The following COL6A3 variants were observed in gnomAD, a reference collection of about 807,000 sequenced individuals.
The protein encoded by COL6A3 is collagen type VI alpha 3 chain.
In COL6A3, 137 loss-of-function variants were observed where a neutral mutation model predicts 274.1. That is an observed-to-expected ratio of 0.50 (90% CI 0.44 to 0.58). The LOEUF (loss-of-function observed/expected upper bound fraction) is 0.58, where lower values mean the gene tolerates loss of function less well. Ranked by LOEUF, COL6A3 falls within the 20% of genes least tolerant of loss-of-function variation. The pLI is 0.00. For synonymous variants in COL6A3, 1,650 were observed against 1,650.6 expected (o/e 1.00, Z 0.01); for missense variants, 3,950 against 4,124.9 (o/e 0.96, Z 1.16).
chr2:237,406,430 T>C (rs2078719882), intron 1 of COL6A3, among the ~76,000 whole-genome samples: 1 of 152,162 alleles, frequency 6.6e-6, no homozygotes, highest in Non-Finnish European at 1.5e-5. Flanking sequence ...TCCTATCAAG[T>C]TCTGGGACTT....
intron 4 of COL6A3, among the ~76,000 whole-genome samples, chr2:237,386,969 G>C (rs551360338): frequency 6.6e-6 from 1 of 151,930 alleles, no homozygotes; most frequent in Admixed American, 6.6e-5. Context: ...ATTTGAGCTT[G>C]TATCCTAATA....
chr2:237,334,600 C>T (rs778449077), intron 41 of COL6A3, 26 bp downstream of exon 41: 29 of 1,611,472 alleles, frequency 1.8e-5, no homozygotes, highest in Non-Finnish European at 2.3e-5. Context: ...AAATCAGGTA[C>T]CGACTTGTAC....
chr2:237,372,373 C>T (rs139236593), intron 8 of COL6A3, 36 bp from the exon 9 acceptor site: 78 of 1,600,564 alleles, frequency 4.9e-5, no homozygotes, highest in Admixed American at 8.3e-5. Flanking sequence ...TCACCTTCAT[C>T]GTCACCAAAT....
chr2:237,360,127 A>C lies in COL6A3; in HGVS notation c.6243T>G (p.Thr2081=). ...GERGPPGVNG[T]QGFQGCPGQR... Reference sequence around the variant, plus strand: ...GGCCCGGGCAGCCCTGGAAACCTTGAGTGCCGTTCACACCAGGCGGACCAC... The same window carrying C: ...GGCCCGGGCAGCCCTGGAAACCTTGCGTGCCGTTCACACCAGGCGGACCAC... Residue 2081 remains threonine (T), a synonymous_variant, in exon 17 of 44, where the codon ACT becomes ACG. Coordinates refer to ENST00000295550, the MANE Select transcript of COL6A3 (RefSeq NM_004369.4). 1 of 1,614,098 alleles carries C rather than the reference A, an allele frequency of 6.2e-7. No individual in the cohort carries two copies. Among genetic ancestry groups the C allele is most frequent in the Non-Finnish European group, 8.5e-7 (1 of 1,180,000 alleles).
At position 237,369,050 on chromosome 2, in the gene COL6A3, A is replaced by T. The variant is rs772068886; in HGVS notation, c.4413T>A (p.Ser1471Arg). ...RIVRRLNIGP[S>R]KVRVGVVQFS... ...ACTGCACGACCCCAACTCTCACTTT[A>T]CTGGGGCCGATGTTGAGTCTTCGAA... Residue 1471 changes from serine (S) to arginine (R), a missense_variant, in exon 10 of 44, where the codon AGT becomes AGA. Around this residue, in one of 5 missense-constraint regions of COL6A3, gnomAD observed 1,934 missense variants for 1,984.3 expected, o/e 0.97. Transcript: ENST00000295550. 6.2e-7 allele frequency: 1 copy of T among 1,614,142 alleles called. No homozygotes were observed. The highest frequency in any genetic ancestry group is 8.5e-7 in the Non-Finnish European group (1 of 1,180,024).
intron 14 of COL6A3, 102 bp downstream of exon 14, chr2:237,363,151 C>T (rs531437277): frequency 2.9e-5 from 34 of 1,188,004 alleles, no homozygotes; most frequent in Admixed American, 1.5e-4. Context: ...AGGCCCCCCC[C>T]CCACCTCCAT....
intron 4 of COL6A3, among the ~76,000 whole-genome samples, chr2:237,383,445 A>C (rs2078062329): frequency 6.6e-6 from 1 of 152,054 alleles, no homozygotes. Flanking sequence ...CTACCCCTTC[A>C]TTTTGATTTA....
chr2:237,391,135 A>C (rs1467123302), intron 3 of COL6A3, among the ~76,000 whole-genome samples: 1 of 152,234 alleles, frequency 6.6e-6, no homozygotes, highest in African/African-American at 2.4e-5. Flanking sequence ...AACTATAAGC[A>C]GAGATGTACT....
At chr2:237,334,287 C>T (rs1161205877) in intron 41 of COL6A3, among the ~76,000 whole-genome samples, 1 of 152,180 alleles carries the variant, frequency 6.6e-6, no homozygotes, top group Non-Finnish European at 1.5e-5. Context: ...GGGTGGTGGG[C>T]AACCAGGAGC....
Position 237,394,621 on chromosome 2 carries a change from C to G in COL6A3, c.675G>C (p.Arg225Ser), listed in dbSNP as rs1330724943. The G allele has an allele frequency of 6.2e-7, 1 of 1,614,042 alleles. No individual in the cohort carries two copies. The highest frequency in any genetic ancestry group is 1.3e-5 in the African/African-American group (1 of 74,930). ...SCVHSSVSPE[R>S]AGDTETLKDI... Reference sequence around the variant, plus strand: ...CTTTAAGGGTTTCCGTGTCCCCAGCCCTTTCTGGACTCACGGATGAATGCA... The same window carrying G: ...CTTTAAGGGTTTCCGTGTCCCCAGCGCTTTCTGGACTCACGGATGAATGCA... The change falls in exon 3 of 44, where the codon AGG becomes AGC. Residue 225 changes from arginine (R) to serine (S), a missense_variant. Coordinates refer to ENST00000295550, the MANE Select transcript of COL6A3 (RefSeq NM_004369.4).
At chr2:237,358,614 A>G in intron 20 of COL6A3, 31 bp from the exon 21 acceptor site, 2 of 1,575,768 alleles carry the variant, frequency 1.3e-6, no homozygotes, top group Non-Finnish European at 1.7e-6. Context: ...GATGCTAAAA[A>G]CTAGATGTTT....
chr2:237,414,118 C>T lies in COL6A3; in HGVS notation c.-196G>A, dbSNP rs1234306505. On this transcript the variant is annotated 5_prime_UTR_variant, in exon 1 of 44. Coordinates refer to ENST00000295550, the MANE Select transcript of COL6A3 (RefSeq NM_004369.4). ...CGGAGGAAAACTCTTGCAGTCCTTG[C>T]AGGAGGCTGGAGCCCAGGAGAACTG... 1 of 152,186 alleles carries T rather than the reference C, an allele frequency of 6.6e-6. No homozygotes were observed. Among genetic ancestry groups the T allele is most frequent in the Non-Finnish European group, 1.5e-5 (1 of 68,028 alleles). 9.4% of individuals were successfully genotyped at this position (152,186 alleles called of 1,614,324 possible).
chr2:237,325,641 C>A lies in COL6A3; in HGVS notation c.9412G>T (p.Ala3138Ser). 2 of 1,614,110 alleles carry A rather than the reference C, an allele frequency of 1.2e-6. No homozygotes were observed. The highest frequency in any genetic ancestry group is 2.2e-5 in the East Asian group (1 of 44,888). ...WYYDPNTKSC[A>S]RFWYGGCGGN... is the part of the protein sequence containing the mutation. ...CCACAACCTCCATACCAGAATCTTG[C>A]ACAGCTTTTGGTGTTTGGATCATAG... The change falls in exon 43 of 44, where the codon GCA (alanine) becomes TCA (serine). Residue 3138 changes from alanine (A) to serine (S), a missense_variant. Ala to Ser is a moderately conservative substitution (Grantham distance 99, BLOSUM62 1). Transcript: ENST00000295550.
chr2:237,350,172 C>T lies in COL6A3; in HGVS notation c.6854G>A (p.Gly2285Glu), dbSNP rs867710814. The change falls in exon 28 of 44, where the codon GGG becomes GAG. Residue 2285 changes from glycine to glutamate, a missense_variant. Physicochemically the swap from Gly to Glu is moderately conservative, Grantham distance 98. Coordinates refer to ENST00000295550, the MANE Select transcript of COL6A3 (RefSeq NM_004369.4). ...CGTCTCCCCACGAGGGCCCCGGTTC[C>T]CGATTCCTCCTTTTGGTCCTGGCTC... ...PGEPGPKGGI[G>E]NRGPRGETGD... is the part of the protein sequence containing the mutation. 6.2e-7 allele frequency: 1 copy of T among 1,614,148 alleles called. No homozygotes were observed. The highest frequency in any genetic ancestry group is 8.5e-7 in the Non-Finnish European group (1 of 1,180,016).
intron 8 of COL6A3, 73 bp from the exon 9 acceptor site, chr2:237,372,410 G>T: frequency 6.3e-7 from 1 of 1,599,252 alleles, no homozygotes; most frequent in Non-Finnish European, 8.5e-7. Context: ...CCACCGCCCA[G>T]TTTGTCATGG....
At chr2:237,366,311 T>G (rs993791171) in intron 11 of COL6A3, among the ~76,000 whole-genome samples, 2 of 152,176 alleles carry the variant, frequency 1.3e-5, no homozygotes, top group East Asian at 3.9e-4. Context: ...ACACCACTGG[T>G]GTTTAGATGC....
chr2:237,348,696 G>C, intron 28 of COL6A3, 33 bp from the exon 29 acceptor site: 1 of 1,601,180 alleles, frequency 6.2e-7, no homozygotes, highest in Non-Finnish European at 8.6e-7. Flanking sequence ...ACTGTAGGTC[G>C]CCATGCCTGG....
chr2:237,386,766 C>T (rs2078153178), intron 4 of COL6A3, among the ~76,000 whole-genome samples: 1 of 152,162 alleles, frequency 6.6e-6, no homozygotes. Flanking sequence ...ATTGGCCTGA[C>T]CTAGGTAATG....
chr2:237,406,549 A>G (rs753480832), intron 1 of COL6A3, among the ~76,000 whole-genome samples: 2 of 152,166 alleles, frequency 1.3e-5, no homozygotes, highest in Non-Finnish European at 1.5e-5. Flanking sequence ...AAATTTCAGT[A>G]AATTTGAGGC....
Sources: gnomAD v4.1 joint callset for allele counts (sites outside exome capture counted in the v4.1 genomes callset) on GRCh38, gnomAD v4.1.1 for gene constraint, gnomAD v4.1.1 regional missense constraint, MANE v1.5 for transcripts, NCBI Gene and HGNC (gene_info 2026-07-23, HGNC 2026-07-21) for gene names.